ADAM2: variants seen among roughly 807,000 people sequenced by gnomAD.
ADAM2 encodes the protein ADAM metallopeptidase domain 2, also known as disintegrin and metalloproteinase domain-containing protein 2.
A neutral mutation model predicts 99.3 loss-of-function variants in ADAM2; 101 were observed. The ratio of observed to expected loss-of-function variants is 1.02; its 90% CI spans 0.87 to 1.20. The LOEUF (loss-of-function observed/expected upper bound fraction) is 1.20, where lower values mean the gene tolerates loss of function less well. Among genes scored for constraint, ADAM2 ranks in the 50% most tolerant of loss-of-function variants. ADAM2 has a pLI of 0.00. For missense variants in ADAM2, 948 were observed against 878.7 expected, an observed-to-expected ratio of 1.08 and a Z score of -1.00; for synonymous variants, 323 against 287.6, an observed-to-expected ratio of 1.12 and a Z score of -1.25.
intron 6 of ADAM2, 123 bp downstream of exon 6, chr8:39,820,879 A>G (rs1325703460): frequency 9.0e-6 from 5 of 557,302 alleles, no homozygotes; most frequent in Non-Finnish European, 1.5e-5. Context: ...ACATGTATCC[A>G]TACATGTGGC....
intron 7 of ADAM2, among the ~76,000 whole-genome samples, chr8:39,802,428 G>A (rs571636373): frequency 7.9e-5 from 12 of 152,048 alleles, no homozygotes; most frequent in African/African-American, 2.7e-4. Flanking sequence ...GGCCATCTTG[G>A]CCCCCCCACC....
At chr8:39,770,943 T>A (rs1281374409) in intron 11 of ADAM2, among the ~76,000 whole-genome samples, 9 of 152,252 alleles carry the variant, frequency 5.9e-5, no homozygotes, top group Non-Finnish European at 1.0e-4. Flanking sequence ...ATCATATGCT[T>A]TGATTCTTGC....
intron 18 of ADAM2, among the ~76,000 whole-genome samples, chr8:39,748,181 G>A (rs960390454): frequency 6.6e-6 from 1 of 152,134 alleles, no homozygotes; most frequent in Non-Finnish European, 1.5e-5. Context: ...AGATTTCAGG[G>A]AATGAGAGAA....
Position 39,783,621 on chromosome 8 carries a change from G to A in ADAM2, c.891+3353C>T, listed in dbSNP as rs150619998. On this transcript the variant is annotated intron_variant, in intron 10 of 20. Coordinates refer to ENST00000265708, the MANE Select transcript of ADAM2 (RefSeq NM_001464.5). ...CTATATCTAAAGACGTATAATTGTC[G>A]CATTGTAACCCTTGAATATATATGA... is the stretch of plus-strand genomic sequence containing the variant. 1.2e-4 allele frequency among the ~76,000 whole-genome samples: 19 copies of A among 152,106 alleles called. 1 individual carries two copies. Among genetic ancestry groups the A allele is most frequent in the African/African-American group, 3.1e-4 (13 of 41,492 alleles).
intron 7 of ADAM2, among the ~76,000 whole-genome samples, chr8:39,800,076 T>C (rs1804136726): frequency 6.6e-6 from 1 of 150,872 alleles, no homozygotes; most frequent in African/African-American, 2.5e-5. Flanking sequence ...CATGGTGCTA[T>C]TTGGTTATTT....
intron 7 of ADAM2, among the ~76,000 whole-genome samples, chr8:39,808,567 G>A (rs1041144892): frequency 6.6e-6 from 1 of 152,118 alleles, no homozygotes; most frequent in Admixed American, 6.6e-5. Context: ...AAATGGATAA[G>A]GTGGTCTTAA....
Position 39,749,455 on chromosome 8 carries a change from A to T in ADAM2, c.1876-5T>A. ...GTGCTTTTTGTTATTGCATACCTAAAAGAAGGAGAAATATCACCTTATAAG... is the reference window on the plus strand; with the variant it reads ...GTGCTTTTTGTTATTGCATACCTAATAGAAGGAGAAATATCACCTTATAAG... On this transcript the variant is annotated splice_region_variant and splice_polypyrimidine_tract_variant and intron_variant, in intron 17 of 20. Coordinates refer to ENST00000265708, the MANE Select transcript of ADAM2 (RefSeq NM_001464.5). 2 of 1,609,206 alleles carry T rather than the reference A, an allele frequency of 1.2e-6. No homozygotes were observed. The highest frequency in any genetic ancestry group is 1.7e-6 in the Non-Finnish European group (2 of 1,176,900).
chr8:39,834,844 A>G (rs1171651498), intron 2 of ADAM2, among the ~76,000 whole-genome samples: 1 of 151,152 alleles, frequency 6.6e-6, no homozygotes, highest in East Asian at 1.9e-4. Context: ...TTCCTTCTAT[A>G]CCTAAACTGT....
intron 6 of ADAM2, among the ~76,000 whole-genome samples, chr8:39,815,213 T>C (rs1001454406): frequency 6.6e-6 from 1 of 152,170 alleles, no homozygotes; most frequent in Non-Finnish European, 1.5e-5. Context: ...GCTAGGTATA[T>C]AATAGATTCT....
intron 7 of ADAM2, among the ~76,000 whole-genome samples, chr8:39,801,248 T>A (rs1040683015): frequency 1.2e-4 from 19 of 152,214 alleles, no homozygotes; most frequent in Admixed American, 2.0e-4. Context: ...TCGGCTTGTT[T>A]TTCTTTCAAT....
intron 14 of ADAM2, among the ~76,000 whole-genome samples, chr8:39,764,486 T>C (rs1246214851): frequency 2.0e-5 from 3 of 152,162 alleles, no homozygotes; most frequent in African/African-American, 7.2e-5. Context: ...CACCGCCTCT[T>C]TGCATGACCA....
At position 39,788,254 on chromosome 8, in the gene ADAM2, A is replaced by G. The variant is rs368537099; in HGVS notation, c.643-3T>C. 47 of 1,493,920 alleles carry G rather than the reference A, an allele frequency of 3.1e-5. No individual in the cohort carries two copies. Among genetic ancestry groups the G allele is most frequent in the Non-Finnish European group, 1.4e-5 (16 of 1,112,708 alleles). 92.5% of individuals were successfully genotyped at this position (1,493,920 alleles called of 1,614,324 possible). A position where few individuals can be genotyped will look rare whatever the true frequency, so the allele number is the denominator to read the frequency against. On this transcript the variant is annotated splice_polypyrimidine_tract_variant and splice_region_variant and intron_variant, in intron 8 of 20. Transcript: ENST00000265708. ...GTAATATTAAATGAAACAAAAATCTAAAATAGAAAACATACAAAAGTGTGC... is the reference window on the plus strand; with the variant it reads ...GTAATATTAAATGAAACAAAAATCTGAAATAGAAAACATACAAAAGTGTGC...
At chr8:39,802,144 T>C (rs1804241946) in intron 7 of ADAM2, among the ~76,000 whole-genome samples, 1 of 152,208 alleles carries the variant, frequency 6.6e-6, no homozygotes, top group Admixed American at 6.5e-5. Context: ...GTGGGATCCA[T>C]GGGTTTCACA....
chr8:39,786,224 C>G (rs1362892754), intron 10 of ADAM2, among the ~76,000 whole-genome samples: 1 of 152,162 alleles, frequency 6.6e-6, no homozygotes, highest in Non-Finnish European at 1.5e-5. Flanking sequence ...CAGAATCAAT[C>G]ATATCCGAAA....
At chr8:39,819,857 C>T (rs992311870) in intron 6 of ADAM2, among the ~76,000 whole-genome samples, 5 of 25,918 alleles carry the variant, frequency 1.9e-4, no homozygotes, top group Admixed American at 5.4e-4. Flanking sequence ...ATATATATCT[C>T]CTATTGGTTT....
At chr8:39,781,013 T>C (rs542015682) in intron 10 of ADAM2, among the ~76,000 whole-genome samples, 1 of 140,822 alleles carries the variant, frequency 7.1e-6, no homozygotes, top group Admixed American at 7.0e-5. Context: ...ATACCTTTTC[T>C]TTTTTTTTTT....
intron 3 of ADAM2, among the ~76,000 whole-genome samples, chr8:39,827,855 G>A: frequency 6.6e-6 from 1 of 151,946 alleles, no homozygotes; most frequent in East Asian, 1.9e-4. Flanking sequence ...ATTGCTAAGG[G>A]ATTAGATCTC....
chr8:39,761,885 G>C (rs1802383911), intron 14 of ADAM2, among the ~76,000 whole-genome samples: 1 of 152,102 alleles, frequency 6.6e-6, no homozygotes, highest in Non-Finnish European at 1.5e-5. Flanking sequence ...ATCGAGACCA[G>C]CCTGTCTAAC....
At chr8:39,770,653 TAA>T (rs1647145367) in intron 11 of ADAM2, among the ~76,000 whole-genome samples, 1 of 152,206 alleles carries the variant, frequency 6.6e-6, no homozygotes, top group Admixed American at 6.5e-5. Flanking sequence ...ATTTATCTCA[TAA>T]AGTTGTGAGA....
Sources: allele counts gnomAD v4.1 joint callset (sites outside exome capture counted in the v4.1 genomes callset), GRCh38; gene constraint gnomAD v4.1.1; transcripts MANE v1.5; gene names NCBI Gene and HGNC (gene_info 2026-07-23, HGNC 2026-07-21).